PPP2R1A: variants seen among roughly 807,000 people sequenced by gnomAD.
PPP2R1A encodes protein phosphatase 2 scaffold subunit Aalpha.
PPP2R1A carries 15 observed loss-of-function variants against 67.1 expected under a neutral mutation model. The observed-to-expected ratio is 0.22, with a 90% CI of 0.15 to 0.34. The LOEUF (loss-of-function observed/expected upper bound fraction) is 0.34. PPP2R1A is among the 10% of genes least tolerant of loss of function. PPP2R1A has a pLI of 1.00. For missense variants in PPP2R1A, 369 were observed against 775.0 expected (o/e 0.48, Z 6.22); for synonymous variants, 337 against 325.0 (o/e 1.04, Z -0.40).
intron 12 of PPP2R1A, 31 bp downstream of exon 12, chr19:52,221,164 C>G (rs777341664): frequency 6.2e-7 from 1 of 1,613,580 alleles, no homozygotes; most frequent in African/African-American, 1.3e-5. Context: ...CTGGCCCATC[C>G]CTAGGGAACT....
chr19:52,210,589 T>C (rs1333618355), intron 3 of PPP2R1A, among the ~76,000 whole-genome samples: 1 of 150,380 alleles, frequency 6.6e-6, no homozygotes, highest in East Asian at 2.0e-4. Context: ...GCCTCCCGGG[T>C]TCAAGGATTC....
rs73575024 is a variant in PPP2R1A, at chr19:52,194,069, G to T, written c.78+3895G>T. Among the ~76,000 whole-genome samples, 8 of 122,574 alleles carry T rather than the reference G, an allele frequency of 6.5e-5. 1 individual carries two copies. The South Asian group carries it at 1.3e-3, about 20-fold the overall frequency. The allele number at this position is 122,574 out of a possible 152,430, so 80.4% of individuals were successfully genotyped here. A position where few individuals can be genotyped will look rare whatever the true frequency, so the allele number is the denominator to read the frequency against. ...TCGAGGCTGCGGTGAGAGCCTGGGC[G>T]ACAGCAAGACCCTGTCTCCAAAAAA... On this transcript the variant is annotated intron_variant, in intron 1 of 14. Transcript: ENST00000322088.
At position 52,220,914 on chromosome 19, in the gene PPP2R1A, A is replaced by G. The variant is rs1274024566; in HGVS notation, c.1364-65A>G. 27 of 1,568,698 alleles carry G rather than the reference A, an allele frequency of 1.7e-5. No homozygotes were observed. The East Asian group carries it at 5.6e-4, about 33-fold the overall frequency. On this transcript the variant is annotated intron_variant, in intron 11 of 14. Transcript: ENST00000322088. Reference sequence around the variant, plus strand: ...TTGTAAGCCATGGTGAGTGTGACCTACATTTTGCCCACATCAGTTCTTCAC... The same window carrying G: ...TTGTAAGCCATGGTGAGTGTGACCTGCATTTTGCCCACATCAGTTCTTCAC...
At position 52,216,174 on chromosome 19, in the gene PPP2R1A, C is replaced by T; in HGVS notation, c.993+100C>T. ...GGGATAGTCAGCTGCAAACTAGGTT[C>T]CCAGCCCTCTGGGACCAGGCAGCTC... On this transcript the variant is annotated intron_variant, in intron 8 of 14. Coordinates refer to ENST00000322088, the MANE Select transcript of PPP2R1A (RefSeq NM_014225.6). This position sits in a 1 kb window ranked among gnomAD's most constrained non-coding sequence, Gnocchi z 4.3. 1 of 1,343,358 alleles carries T rather than the reference C, an allele frequency of 7.4e-7. No homozygotes were observed. Among genetic ancestry groups the T allele is most frequent in the South Asian group, 1.2e-5 (1 of 80,514 alleles). The allele number at this position is 1,343,358 out of a possible 1,614,324, so 83.2% of individuals were successfully genotyped here.
intron 7 of PPP2R1A, 55 bp from the exon 8 acceptor site, chr19:52,215,949 G>A (rs1978543897): frequency 1.2e-6 from 2 of 1,609,702 alleles, no homozygotes; most frequent in Non-Finnish European, 8.5e-7. Context: ...GGGGCTGGAG[G>A]TGGAACTAGC....
chr19:52,214,354 G>A (rs977987952), intron 6 of PPP2R1A, among the ~76,000 whole-genome samples: 10 of 152,250 alleles, frequency 6.6e-5, no homozygotes, highest in African/African-American at 2.4e-4. Context: ...ACTGGCATTT[G>A]CGGGAAGGAC....
In PPP2R1A at chr19:52,212,878, G is replaced by T. The variant is rs1298097226; in HGVS notation, c.651+45G>T. On this transcript the variant is annotated intron_variant, in intron 5 of 14. Coordinates refer to ENST00000322088, the MANE Select transcript of PPP2R1A (RefSeq NM_014225.6). The surrounding 1 kb of genome is among the most constrained non-coding windows in gnomAD (Gnocchi z 4.1). The stretch of plus-strand genomic sequence containing the variant: ...CCTCTGCTCTCCCGTCCTTCTGGTG[G>T]TTCCTGCCCATGAAAGAGAATCCCA... The T allele has an allele frequency of 6.4e-7, 1 of 1,569,418 alleles. No individual in the cohort carries two copies. The highest frequency in any genetic ancestry group is 1.2e-5 in the South Asian group (1 of 83,720).
At position 52,227,004 on chromosome 19, in the gene PPP2R1A, G is replaced by A. The variant is rs1051811869; in HGVS notation, c.*1023G>A. 1 of 152,090 alleles carries A rather than the reference G, an allele frequency of 6.6e-6. No individual in the cohort carries two copies. Among genetic ancestry groups the A allele is most frequent in the Admixed American group, 6.5e-5 (1 of 15,272 alleles). 9.4% of individuals were successfully genotyped at this position (152,090 alleles called of 1,614,324 possible). A position where few individuals can be genotyped will look rare whatever the true frequency, so the allele number is the denominator to read the frequency against. ...CAGGAGGTCTCAGAGTAATCAGGAC[G>A]GTACTAGGGAGAGAACTGTGGCAAG... On this transcript the variant is annotated 3_prime_UTR_variant, in exon 15 of 15. Transcript: ENST00000322088.
rs913571811 is a variant in PPP2R1A at position 52,228,977 on chromosome 19, G to T, written c.*2996G>T. 1 of 152,188 alleles carries T rather than the reference G, an allele frequency of 6.6e-6. No individual in the cohort carries two copies. The highest frequency in any genetic ancestry group is 2.4e-5 in the African/African-American group (1 of 41,406). 9.4% of individuals were successfully genotyped at this position (152,188 alleles called of 1,614,324 possible). A position where few individuals can be genotyped will look rare whatever the true frequency, so the allele number is the denominator to read the frequency against. On this transcript the variant is annotated 3_prime_UTR_variant, in exon 15 of 15. Coordinates refer to ENST00000322088, the MANE Select transcript of PPP2R1A (RefSeq NM_014225.6). ...TGCCTATGGTGCTTGAGCTGTGGTT[G>T]TCGCTAGAGGAGAATTACCATGGCT...
intron 2 of PPP2R1A, among the ~76,000 whole-genome samples, chr19:52,203,708 C>T (rs961693405): frequency 8.5e-5 from 13 of 152,078 alleles, no homozygotes; most frequent in African/African-American, 3.1e-4. Context: ...ACACGTCTGC[C>T]CAGAGACAGG....
At chr19:52,210,787 C>T (rs775583569) in intron 3 of PPP2R1A, among the ~76,000 whole-genome samples, 12 of 152,284 alleles carry the variant, frequency 7.9e-5, no homozygotes, top group East Asian at 3.9e-4. Context: ...CCACTGCGCC[C>T]GGCCCGTTTT....
intron 13 of PPP2R1A, among the ~76,000 whole-genome samples, chr19:52,223,997 C>T (rs1292660623): frequency 6.6e-6 from 1 of 152,178 alleles, no homozygotes; most frequent in East Asian, 1.9e-4. Flanking sequence ...AATTTTAGTT[C>T]ATTCAAACAG....
chr19:52,226,975 TC>T lies in PPP2R1A; in HGVS notation c.*998del. On this transcript the variant is annotated 3_prime_UTR_variant, in exon 15 of 15. Coordinates refer to ENST00000322088, the MANE Select transcript of PPP2R1A (RefSeq NM_014225.6). ...GAAGAAGACTTGGGCTTGGACCCTG[TC>T]CCCAGGAGGTCTCAGAGTAATCAGG... is the stretch of plus-strand genomic sequence containing the variant. 6.6e-6 allele frequency: 1 copy of T among 152,138 alleles called. No homozygotes were observed. The highest frequency in any genetic ancestry group is 2.1e-4 in the South Asian group (1 of 4,800). The allele number at this position is 152,138 out of a possible 1,614,324, so 9.4% of individuals were successfully genotyped here.
In PPP2R1A at chr19:52,227,030, A is replaced by G. The variant is rs1439192809; in HGVS notation, c.*1049A>G. 1 of 152,174 alleles carries G rather than the reference A, an allele frequency of 6.6e-6. No individual in the cohort carries two copies. Among genetic ancestry groups the G allele is most frequent in the Non-Finnish European group, 1.5e-5 (1 of 68,040 alleles). The allele number at this position is 152,174 out of a possible 1,614,324, so 9.4% of individuals were successfully genotyped here. On this transcript the variant is annotated 3_prime_UTR_variant, in exon 15 of 15. Transcript: ENST00000322088. ...GTACTAGGGAGAGAACTGTGGCAAG[A>G]TAGATCAGTTATCTCGGTATCTATT...
chr19:52,194,561 C>T (rs540087364), intron 1 of PPP2R1A, among the ~76,000 whole-genome samples: 1 of 151,840 alleles, frequency 6.6e-6, no homozygotes, highest in African/African-American at 2.4e-5. Flanking sequence ...CACCCAGGAC[C>T]AGTGTTAGCA....
At chr19:52,221,253 T>A in intron 12 of PPP2R1A, 120 bp downstream of exon 12, 4 of 1,404,976 alleles carry the variant, frequency 2.8e-6, no homozygotes, top group Non-Finnish European at 3.9e-6. Flanking sequence ...ATGGAGTGCA[T>A]CTTCTATCCA....
intron 1 of PPP2R1A, chr19:52,190,410 G>T (rs570679898): frequency 8.6e-6 from 5 of 581,566 alleles, no homozygotes; most frequent in South Asian, 8.1e-5. Flanking sequence ...GGCCTGCCCT[G>T]TGCGCGCGGC....
Position 52,213,457 on chromosome 19 carries a change from G to GTTTTTTTTTTT in PPP2R1A, c.807+367_807+377dup, listed in dbSNP as rs398035011. Among the ~76,000 whole-genome samples the GTTTTTTTTTTT allele has an allele frequency of 1.4e-5, 1 of 71,762 alleles. No homozygotes were observed. Among genetic ancestry groups the GTTTTTTTTTTT allele is most frequent in the Non-Finnish European group, 2.6e-5 (1 of 37,754 alleles). The allele number at this position is 71,762 out of a possible 152,430, so 47.1% of individuals were successfully genotyped here. ...GCCCAAAAAGGTGGGGTTTTTTGGTGTTTTTTTTTTTTTTTTTTTTTTTTT... is the reference window on the plus strand; with the variant it reads ...GCCCAAAAAGGTGGGGTTTTTTGGTGTTTTTTTTTTTTTTTTTTTTTTTTTTTTTTTTTTTT... On this transcript the variant is annotated intron_variant, in intron 6 of 14. Transcript: ENST00000322088. The surrounding 1 kb of genome is among the most constrained non-coding windows in gnomAD (Gnocchi z 4.2).
chr19:52,217,661 T>C (rs958166020), intron 9 of PPP2R1A, among the ~76,000 whole-genome samples: 10 of 152,314 alleles, frequency 6.6e-5, no homozygotes, highest in African/African-American at 2.2e-4. Context: ...GAATACATTC[T>C]GGCTTAAATT....
Sources: gnomAD v4.1 joint callset for allele counts (sites outside exome capture counted in the v4.1 genomes callset) on GRCh38, gnomAD v4.1.1 for gene constraint, Gnocchi (gnomAD v3.1) non-coding constraint, MANE v1.5 for transcripts, NCBI Gene and HGNC (gene_info 2026-07-23, HGNC 2026-07-21) for gene names.